The following PGCKA1 variants were observed in gnomAD, a reference collection of about 807,000 sequenced individuals.
PGCKA1 encodes the protein PDCD10 and GCKIII kinases-associated protein 1.
the PGCKA1 span, among the ~76,000 whole-genome samples, chr4:37,486,728 CCT>C: frequency 6.6e-6 from 1 of 152,116 alleles, no homozygotes; most frequent in Non-Finnish European, 1.5e-5. Flanking sequence ...CAGTGTTTAT[CCT>C]CTTTCTGGAA....
chr4:37,512,847 G>A, the PGCKA1 span, among the ~76,000 whole-genome samples: 1 of 152,008 alleles, frequency 6.6e-6, no homozygotes, highest in Non-Finnish European at 1.5e-5. Flanking sequence ...CCAGCACCTT[G>A]GGAGGCCGAA....
the PGCKA1 span, among the ~76,000 whole-genome samples, chr4:37,577,077 T>C: frequency 6.6e-6 from 1 of 152,172 alleles, no homozygotes; most frequent in Non-Finnish European, 1.5e-5. Flanking sequence ...GGTTTTGGTA[T>C]CAGGGTAATA....
chr4:37,496,304 A>C, the PGCKA1 span, among the ~76,000 whole-genome samples: 1 of 152,064 alleles, frequency 6.6e-6, no homozygotes, highest in African/African-American at 2.4e-5. Flanking sequence ...ATGTGGCATA[A>C]GGAATTTTCT....
chr4:37,556,815 G>A, the PGCKA1 span, among the ~76,000 whole-genome samples: 1 of 152,108 alleles, frequency 6.6e-6, no homozygotes, highest in African/African-American at 2.4e-5. Context: ...TGTTTCTCAT[G>A]GCTTCCTTAT....
chr4:37,474,470 T>C, the PGCKA1 span, among the ~76,000 whole-genome samples: 1 of 152,174 alleles, frequency 6.6e-6, no homozygotes, highest in Admixed American at 6.5e-5. Context: ...CAGTGCCTAC[T>C]ACCTGGCAAC....
the PGCKA1 span, among the ~76,000 whole-genome samples, chr4:37,482,354 T>C: frequency 6.6e-6 from 1 of 152,132 alleles, no homozygotes; most frequent in Non-Finnish European, 1.5e-5. Flanking sequence ...GCCGAGGTGG[T>C]TTCCAATGGA....
At chr4:37,530,324 G>A in the PGCKA1 span, among the ~76,000 whole-genome samples, 131 of 152,202 alleles carry the variant, frequency 8.6e-4, no homozygotes, top group Middle Eastern at 3.4e-3. Context: ...GTAATCTCAG[G>A]ACTTTGGGAG....
the PGCKA1 span, among the ~76,000 whole-genome samples, chr4:37,574,506 A>G: frequency 1.3e-5 from 2 of 152,132 alleles, no homozygotes; most frequent in African/African-American, 2.4e-5. Flanking sequence ...TTTATGGGGT[A>G]TGTGAAATAT....
the PGCKA1 span, among the ~76,000 whole-genome samples, chr4:37,527,118 G>T: frequency 6.6e-6 from 1 of 151,796 alleles, no homozygotes; most frequent in Non-Finnish European, 1.5e-5. Flanking sequence ...AATTAAAAAA[G>T]GAAAAAGTAT....
chr4:37,555,838 A>T, the PGCKA1 span, among the ~76,000 whole-genome samples: 1 of 152,130 alleles, frequency 6.6e-6, no homozygotes, highest in Non-Finnish European at 1.5e-5. Flanking sequence ...TAGATGTTCA[A>T]ATCATATGGT....
At chr4:37,512,012 C>A in the PGCKA1 span, among the ~76,000 whole-genome samples, 2 of 152,206 alleles carry the variant, frequency 1.3e-5, no homozygotes. Flanking sequence ...TCCACTCTGA[C>A]AGGAGTGAGT....
At chr4:37,461,858 T>A in the PGCKA1 span, among the ~76,000 whole-genome samples, 1 of 151,902 alleles carries the variant, frequency 6.6e-6, no homozygotes, top group South Asian at 2.1e-4. Flanking sequence ...AGGAGAAGGA[T>A]GCAATCTGGG....
chr4:37,558,520 G>A, the PGCKA1 span, among the ~76,000 whole-genome samples: 3 of 152,106 alleles, frequency 2.0e-5, no homozygotes. Context: ...TTACCATTCA[G>A]GACATAGGTA....
At chr4:37,481,464 C>CACAAAAAAA in the PGCKA1 span, among the ~76,000 whole-genome samples, 1 of 61,430 alleles carries the variant, frequency 1.6e-5, no homozygotes, top group African/African-American at 8.3e-5. Flanking sequence ...GACCTGTCTC[C>CACAAAAAAA]AAAAAAAAAA....
chr4:37,585,720 G>C, the PGCKA1 span, among the ~76,000 whole-genome samples: 12 of 151,938 alleles, frequency 7.9e-5, no homozygotes, highest in Non-Finnish European at 1.6e-4. Flanking sequence ...CAGCAGAAAA[G>C]GAAAGTAAAG....
chr4:37,572,397 A>G, the PGCKA1 span, among the ~76,000 whole-genome samples: 4 of 152,120 alleles, frequency 2.6e-5, no homozygotes, highest in Non-Finnish European at 5.9e-5. Flanking sequence ...TTTTGACATT[A>G]TTTCAGACTA....
chr4:37,588,238 T>G, the PGCKA1 span: 1 of 152,294 alleles, frequency 6.6e-6, no homozygotes, highest in South Asian at 2.1e-4. Flanking sequence ...AAAGAACAGG[T>G]CCACAAATCA....
the PGCKA1 span, among the ~76,000 whole-genome samples, chr4:37,475,950 A>C: frequency 1.2e-4 from 18 of 150,720 alleles, no homozygotes; most frequent in South Asian, 1.0e-3. Context: ...TTTTATTTTA[A>C]AATACATTAT....
At chr4:37,568,216 C>T in the PGCKA1 span, among the ~76,000 whole-genome samples, 1 of 152,210 alleles carries the variant, frequency 6.6e-6, no homozygotes, top group Non-Finnish European at 1.5e-5. Context: ...GGTTCAGGGC[C>T]ACCTGTCACT....
Sources: gnomAD v4.1 joint callset for allele counts (sites outside exome capture counted in the v4.1 genomes callset) on GRCh38, gnomAD v4.1.1 for gene constraint, MANE v1.5 for transcripts, NCBI Gene and HGNC (gene_info 2026-07-23, HGNC 2026-07-21) for gene names.